The following SLC12A5 variants were observed in gnomAD, a reference collection of about 807,000 sequenced individuals.
SLC12A5 encodes the protein K-Cl cotransporter 2.
SLC12A5 carries 18 observed loss-of-function variants against 124.0 expected under a neutral mutation model. The ratio of observed to expected loss-of-function variants is 0.15; its 90% CI spans 0.10 to 0.22. The LOEUF is 0.22. Among genes scored for constraint, SLC12A5 ranks in the 10% least tolerant of loss-of-function variants. The pLI is 1.00. For synonymous variants in SLC12A5, 589 were observed against 568.0 expected, an observed-to-expected ratio of 1.04 and a Z score of -0.53; for missense variants, 867 against 1,478.7, an observed-to-expected ratio of 0.59 and a Z score of 6.78.
Position 46,057,759 on chromosome 20 carries a change from T to C in SLC12A5, c.*154T>C, listed in dbSNP as rs934332398. 1 of 617,894 alleles carries C rather than the reference T, an allele frequency of 1.6e-6. No homozygotes were observed. Among genetic ancestry groups the C allele is most frequent in the Non-Finnish European group, 2.7e-6 (1 of 367,332 alleles). The allele number at this position is 617,894 out of a possible 1,614,324, so 38.3% of individuals were successfully genotyped here. A position where few individuals can be genotyped will look rare whatever the true frequency, so the allele number is the denominator to read the frequency against. On this transcript the variant is annotated 3_prime_UTR_variant, in exon 26 of 26. Coordinates refer to ENST00000243964, the MANE Select transcript of SLC12A5 (RefSeq NM_020708.5). The surrounding 1 kb of genome is among the most constrained non-coding windows in gnomAD (Gnocchi z 7.1). Reference sequence around the variant, plus strand: ...CCTGAAGCCCGGAGGCCACGCCTGTTGGGGCTGATTCGGAGAGGGCGCCCC... The same window carrying C: ...CCTGAAGCCCGGAGGCCACGCCTGTCGGGGCTGATTCGGAGAGGGCGCCCC...
chr20:46,036,072 G>C, intron 4 of SLC12A5, 149 bp downstream of exon 4: 1 of 954,180 alleles, frequency 1.0e-6, no homozygotes. Flanking sequence ...GGCCTGACTG[G>C]TCCTTCCTGC....
At chr20:46,037,007 C>G (rs1207541969) in intron 5 of SLC12A5, among the ~76,000 whole-genome samples, 2 of 151,924 alleles carry the variant, frequency 1.3e-5, no homozygotes, top group African/African-American at 4.8e-5. Context: ...TGAGACCCTC[C>G]TCTCCACCAT....
intron 1 of SLC12A5, among the ~76,000 whole-genome samples, chr20:46,022,332 C>T (rs143163247): frequency 1.9e-3 from 274 of 145,632 alleles, no homozygotes; most frequent in Non-Finnish European, 3.1e-3. Context: ...GGGGAGGCGG[C>T]GGGACTAGGT....
chr20:46,053,212 G>C lies in SLC12A5; in HGVS notation c.2547+86G>C. On this transcript the variant is annotated intron_variant, in intron 19 of 25. Coordinates refer to ENST00000243964, the MANE Select transcript of SLC12A5 (RefSeq NM_020708.5). This position sits in a 1 kb window ranked among gnomAD's most constrained non-coding sequence, Gnocchi z 4.7. ...TGCATATGTGCACAACTGCAGGTCAGACTCAGGGGCTCTGGCCAGGGTCAG... is the reference window on the plus strand; with the variant it reads ...TGCATATGTGCACAACTGCAGGTCACACTCAGGGGCTCTGGCCAGGGTCAG... The C allele has an allele frequency of 1.4e-6, 2 of 1,436,530 alleles. No homozygotes were observed. Among genetic ancestry groups the C allele is most frequent in the Non-Finnish European group, 1.9e-6 (2 of 1,059,250 alleles). The allele number at this position is 1,436,530 out of a possible 1,614,324, so 89.0% of individuals were successfully genotyped here. A position where few individuals can be genotyped will look rare whatever the true frequency, so the allele number is the denominator to read the frequency against.
rs922631782 is a variant in SLC12A5, at chr20:46,053,984, C to T, written c.2679+275C>T. Reference sequence around the variant, plus strand: ...GAGATAGATACAATTATCAGCATTTCCATGTTACAGATTAGGAATATGAAG... The same window carrying T: ...GAGATAGATACAATTATCAGCATTTTCATGTTACAGATTAGGAATATGAAG... On this transcript the variant is annotated intron_variant, in intron 20 of 25. Coordinates refer to ENST00000243964, the MANE Select transcript of SLC12A5 (RefSeq NM_020708.5). This position sits in a 1 kb window ranked among gnomAD's most constrained non-coding sequence, Gnocchi z 4.7. Among the ~76,000 whole-genome samples the T allele has an allele frequency of 2.6e-5, 4 of 152,222 alleles. No individual in the cohort carries two copies. The highest frequency in any genetic ancestry group is 6.5e-5 in the Admixed American group (1 of 15,282).
intron 11 of SLC12A5, 45 bp downstream of exon 11, chr20:46,043,978 T>G: frequency 2.6e-6 from 4 of 1,522,162 alleles, no homozygotes; most frequent in Non-Finnish European, 3.6e-6. Context: ...GGGGTGGGTA[T>G]AGAAGGCTGA....
rs1019393181 is a variant in SLC12A5, at chr20:46,057,881, G to A, written c.*276G>A. ...GCCTCGTCTCGCCGGAGGAGACGCT[G>A]CAATAAAGGTTGGGAGAAGGCGCGG... is the stretch of plus-strand genomic sequence containing the variant. On this transcript the variant is annotated 3_prime_UTR_variant, in exon 26 of 26. Coordinates refer to ENST00000243964, the MANE Select transcript of SLC12A5 (RefSeq NM_020708.5). This position sits in a 1 kb window ranked among gnomAD's most constrained non-coding sequence, Gnocchi z 7.1. The A allele has an allele frequency of 3.8e-5, 15 of 399,996 alleles. No individual in the cohort carries two copies. Among genetic ancestry groups the A allele is most frequent in the African/African-American group, 3.0e-4 (14 of 47,094 alleles). 24.8% of individuals were successfully genotyped at this position (399,996 alleles called of 1,614,324 possible).
rs1195158622 is a variant in SLC12A5, at chr20:46,051,068, G to C, written c.2182-607G>C. Among the ~76,000 whole-genome samples, 13 of 152,064 alleles carry C rather than the reference G, an allele frequency of 8.5e-5. 1 individual carries two copies. The highest frequency in any genetic ancestry group is 8.5e-4 in the Admixed American group (13 of 15,278). On this transcript the variant is annotated intron_variant, in intron 17 of 25. Coordinates refer to ENST00000243964, the MANE Select transcript of SLC12A5 (RefSeq NM_020708.5). ...TTAGGGGTGGTGGTTAAGAGTGTGGGGGTTGGAGTCAGACTTCCCTGACTT... is the reference window on the plus strand; with the variant it reads ...TTAGGGGTGGTGGTTAAGAGTGTGGCGGTTGGAGTCAGACTTCCCTGACTT...
At position 46,037,292 on chromosome 20, in the gene SLC12A5, C is replaced by A. The variant is rs1274799788; in HGVS notation, c.519C>A (p.Gly173=). 6.2e-7 allele frequency: 1 copy of A among 1,611,316 alleles called. No homozygotes were observed. The highest frequency in any genetic ancestry group is 1.3e-5 in the African/African-American group (1 of 74,770). ...GSYYMISRSL[G]PEFGGAVGLC... The stretch of plus-strand genomic sequence containing the variant: ...ACTACATGATTTCCAGGTCTCTGGG[C>A]CCAGAGTTTGGGGGTGCCGTGGGCC... The change falls in exon 6 of 26, where the codon GGC becomes GGA. Residue 173 remains glycine, a synonymous_variant. Transcript: ENST00000243964.
At chr20:46,030,537 C>A (rs1381864999) in intron 1 of SLC12A5, among the ~76,000 whole-genome samples, 1 of 151,672 alleles carries the variant, frequency 6.6e-6, no homozygotes, top group Admixed American at 6.6e-5. Flanking sequence ...CACTCTCCAG[C>A]GGCGCTGCGT....
chr20:46,023,745 A>G (rs1011863456), downstream of SLC12A5, among the ~76,000 whole-genome samples: 1 of 151,814 alleles, frequency 6.6e-6, no homozygotes, highest in Admixed American at 6.6e-5. Context: ...CTGCACCCTT[A>G]GTGCACATGT....
Position 46,044,996 on chromosome 20 carries a change from G to C in SLC12A5, c.1425G>C (p.Val475=), listed in dbSNP as rs758020148. The C allele has an allele frequency of 1.2e-6, 2 of 1,614,192 alleles. No individual in the cohort carries two copies. Among genetic ancestry groups the C allele is most frequent in the Non-Finnish European group, 1.7e-6 (2 of 1,180,022 alleles). The change falls in exon 12 of 26, where the codon GTG becomes GTC. Residue 475 remains valine (V), a synonymous_variant. Coordinates refer to ENST00000243964, the MANE Select transcript of SLC12A5 (RefSeq NM_020708.5). The part of the protein sequence containing the change: ...KFGEAVNGNL[V]VGTLAWPSPW... ...GCGAAGCTGTGAATGGCAACCTCGT[G>C]GTGGGCACTCTGGCCTGGCCATCTC...
chr20:46,037,425 T>C (rs898895068), intron 6 of SLC12A5, 40 bp downstream of exon 6: 9 of 1,578,618 alleles, frequency 5.7e-6, no homozygotes, highest in Admixed American at 1.8e-5. Context: ...CCCCAGGTTG[T>C]CAGTCAGTTA....
chr20:46,029,411 G>C lies in SLC12A5; in HGVS notation c.52+15G>C, dbSNP rs1010580909. 26 of 1,488,320 alleles carry C rather than the reference G, an allele frequency of 1.7e-5. No homozygotes were observed. The highest frequency in any genetic ancestry group is 2.4e-5 in the Non-Finnish European group (26 of 1,093,886). The allele number at this position is 1,488,320 out of a possible 1,614,324, so 92.2% of individuals were successfully genotyped here. On this transcript the variant is annotated intron_variant, in intron 1 of 25. Coordinates refer to ENST00000243964, the MANE Select transcript of SLC12A5 (RefSeq NM_020708.5). ...AGCCAACCCGGGTAAGCTGTGGTCC[G>C]GGGGCGGCGGGGGAGGGGGCAGCGA...
At chr20:46,046,475 C>G in intron 14 of SLC12A5, 39 bp downstream of exon 14, 1 of 1,568,418 alleles carries the variant, frequency 6.4e-7, no homozygotes, top group South Asian at 1.1e-5. Context: ...GAGCCACTTG[C>G]TCACCTCCAC....
In SLC12A5 at chr20:46,029,380, T is replaced by G. The variant is rs998267168; in HGVS notation, c.36T>G (p.Asp12Glu). 2.0e-6 allele frequency: 3 copies of G among 1,513,508 alleles called. No homozygotes were observed. The highest frequency in any genetic ancestry group is 1.4e-5 in the African/African-American group (1 of 70,216). 93.8% of individuals were successfully genotyped at this position (1,513,508 alleles called of 1,614,324 possible). The change falls in exon 1 of 26, where the codon GAT becomes GAG. Residue 12 changes from aspartate to glutamate, a missense_variant. By Grantham distance (45) the Asp-to-Glu change is conservative (BLOSUM62 2). Around this residue, in one of 9 missense-constraint regions of SLC12A5, gnomAD observed 58 missense variants for 52.2 expected, o/e 1.11. Coordinates refer to ENST00000243964, the MANE Select transcript of SLC12A5 (RefSeq NM_020708.5). The stretch of plus-strand genomic sequence containing the variant: ...ACCTGACGGACTGCGAGGACGGCGA[T>G]GGGGGAGCCAACCCGGGTAAGCTGT... ...LNNLTDCEDGDGGANPGDGNP... is the reference protein window; with the variant it reads ...LNNLTDCEDGEGGANPGDGNP...
intron 1 of SLC12A5, among the ~76,000 whole-genome samples, chr20:46,032,898 G>A (rs995449567): frequency 6.6e-6 from 1 of 152,210 alleles, no homozygotes; most frequent in Non-Finnish European, 1.5e-5. Context: ...AGGGAGCCCT[G>A]GAGAACTTAG....
Position 46,045,164 on chromosome 20 carries a change from C to T in SLC12A5, c.1569+24C>T. On this transcript the variant is annotated intron_variant, in intron 12 of 25. Coordinates refer to ENST00000243964, the MANE Select transcript of SLC12A5 (RefSeq NM_020708.5). The surrounding 1 kb of genome is among the most constrained non-coding windows in gnomAD (Gnocchi z 4.9). ...AGGTCAGTGTGGGAGAAGAACAGCCCACCCTCAGTAGACCAGCCAGGCCCC... is the reference window on the plus strand; with the variant it reads ...AGGTCAGTGTGGGAGAAGAACAGCCTACCCTCAGTAGACCAGCCAGGCCCC... The T allele has an allele frequency of 3.2e-6, 5 of 1,540,252 alleles. No homozygotes were observed. The highest frequency in any genetic ancestry group is 4.4e-6 in the Non-Finnish European group (5 of 1,146,876).
intron 11 of SLC12A5, 72 bp from the exon 12 acceptor site, chr20:46,044,894 T>G (rs1310901724): frequency 3.2e-6 from 5 of 1,573,614 alleles, no homozygotes; most frequent in Non-Finnish European, 4.4e-6. Flanking sequence ...GGTTCTGTAG[T>G]TGGTATGGAG....
Sources: allele counts gnomAD v4.1 joint callset (sites outside exome capture counted in the v4.1 genomes callset), GRCh38; gene constraint gnomAD v4.1.1; regional missense constraint gnomAD v4.1.1; non-coding constraint Gnocchi (gnomAD v3.1); transcripts MANE v1.5; gene names NCBI Gene and HGNC (gene_info 2026-07-23, HGNC 2026-07-21).